RTN4: variants seen among roughly 807,000 people sequenced by gnomAD.
The protein encoded by RTN4 is reticulon-4.
A neutral mutation model predicts 90.4 loss-of-function variants in RTN4; 32 were observed. The ratio of observed to expected loss-of-function variants is 0.35; its 90% CI spans 0.27 to 0.48. The LOEUF (loss-of-function observed/expected upper bound fraction) is 0.48, where lower values mean the gene tolerates loss of function less well. Among genes scored for constraint, RTN4 ranks in the 20% least tolerant of loss-of-function variants. The pLI is 0.99. For missense variants in RTN4, 1,706 were observed against 1,430.2 expected, an observed-to-expected ratio of 1.19 and a Z score of -3.11; for synonymous variants, 629 against 552.5, an observed-to-expected ratio of 1.14 and a Z score of -1.94.
chr2:55,071,923 G>A (rs114883562), intron 2 of RTN4, among the ~76,000 whole-genome samples: 3,642 of 152,328 alleles, frequency 0.024, 77 homozygotes, highest in South Asian at 0.037. Flanking sequence ...GAGATTCCAA[G>A]AGAGAGAAGA....
At chr2:54,986,503 C>T (rs1678574002) in intron 4 of RTN4, among the ~76,000 whole-genome samples, 1 of 152,162 alleles carries the variant, frequency 6.6e-6, no homozygotes, top group Admixed American at 6.5e-5. Flanking sequence ...TTGGCCATGG[C>T]CTTGCTTTAC....
chr2:55,032,118 T>TCA lies in RTN4; in HGVS notation c.557-3900_557-3899dup, dbSNP rs547794578. 9.5e-4 allele frequency among the ~76,000 whole-genome samples: 144 copies of TCA among 152,142 alleles called. 1 individual carries two copies. Among genetic ancestry groups the TCA allele is most frequent in the African/African-American group, 3.1e-3 (128 of 41,488 alleles). On this transcript the variant is annotated intron_variant, in intron 1 of 8. Coordinates refer to ENST00000337526, the MANE Select transcript of RTN4 (RefSeq NM_020532.5). ...TTTTTTGAGGCGGAGTCTTGCTCTG[T>TCA]CACCCAGGCTGGAGTACAGCGGGGC...
At chr2:54,997,949 T>C (rs1679562050) in intron 3 of RTN4, among the ~76,000 whole-genome samples, 1 of 152,206 alleles carries the variant, frequency 6.6e-6, no homozygotes, top group South Asian at 2.1e-4. Context: ...TTCAGTCCTA[T>C]CTGCAGTTTC....
At chr2:55,133,049 T>TA in the RTN4 span, among the ~76,000 whole-genome samples, 37,046 of 151,632 alleles carry the variant, frequency 0.24, 5,224 homozygotes, top group East Asian at 0.5. Flanking sequence ...GTGTCTCTAC[T>TA]AAAATACAAA....
intron 3 of RTN4, among the ~76,000 whole-genome samples, chr2:54,992,997 C>T (rs1679131280): frequency 6.6e-6 from 1 of 150,604 alleles, no homozygotes; most frequent in Non-Finnish European, 1.5e-5. Context: ...TGGCGTGAAC[C>T]CGAGAGGCGG....
intron 4 of RTN4, 32 bp downstream of exon 4, chr2:54,987,459 C>T (rs746585060): frequency 9.1e-6 from 13 of 1,427,836 alleles, no homozygotes; most frequent in Non-Finnish European, 1.3e-5. Flanking sequence ...TACACTATTG[C>T]CAATGCATGC....
Position 55,025,506 on chromosome 2 carries a change from T to A in RTN4, c.2593A>T (p.Ile865Phe). ...ETETFSDSSP[I>F]EIIDEFPTLI... The stretch of plus-strand genomic sequence containing the variant: ...GTAGGGAACTCATCTATAATTTCAA[T>A]TGGAGATGAATCTGAAAACGTTTCA... The change falls in exon 3 of 9, where the codon ATT becomes TTT. Residue 865 changes from isoleucine to phenylalanine, a missense_variant. Ile to Phe is a conservative substitution (Grantham distance 21). Coordinates refer to ENST00000337526, the MANE Select transcript of RTN4 (RefSeq NM_020532.5). 6.2e-7 allele frequency: 1 copy of A among 1,613,718 alleles called. No homozygotes were observed. Among genetic ancestry groups the A allele is most frequent in the Non-Finnish European group, 8.5e-7 (1 of 1,179,778 alleles).
chr2:55,029,947 T>C (rs551828780), intron 1 of RTN4, among the ~76,000 whole-genome samples: 2 of 152,222 alleles, frequency 1.3e-5, no homozygotes, highest in Admixed American at 6.5e-5. Context: ...GCTAAAATAA[T>C]GAATTATTAG....
chr2:55,028,479 A>G (rs1308605173), intron 1 of RTN4, among the ~76,000 whole-genome samples: 2 of 152,224 alleles, frequency 1.3e-5, no homozygotes, highest in African/African-American at 2.4e-5. Context: ...TTTATGTTAA[A>G]GAAACTTATG....
In RTN4 at chr2:55,027,367, A is replaced by G. The variant is rs769339157; in HGVS notation, c.732T>C (p.Ala244=). The G allele has an allele frequency of 1.9e-6, 3 of 1,613,700 alleles. No homozygotes were observed. Among genetic ancestry groups the G allele is most frequent in the Non-Finnish European group, 2.5e-6 (3 of 1,179,766 alleles). The change falls in exon 3 of 9, where the codon GCT becomes GCC. Residue 244 remains alanine, a synonymous_variant. Transcript: ENST00000337526. ...SLPSLSPLSA[A]SFKEHEYLGN... ...CAAGGTATTCATGTTCTTTGAAAGA[A>G]GCGGCTGAGAGAGGAGACAGAGAAG...
chr2:55,026,128 T>C lies in RTN4; in HGVS notation c.1971A>G (p.Pro657=). 6.2e-7 allele frequency: 1 copy of C among 1,613,340 alleles called. No individual in the cohort carries two copies. Among genetic ancestry groups the C allele is most frequent in the Non-Finnish European group, 8.5e-7 (1 of 1,179,782 alleles). Residue 657 remains proline, a synonymous_variant, in exon 3 of 9, where the codon CCA becomes CCG. Transcript: ENST00000337526. ...ESIKHEPENP[P]PYEEAMSVSL... ...ATACACTCATGGCCTCTTCATATGG[T>C]GGGGGGTTTTCAGGCTCATGTTTTA...
chr2:55,042,920 T>C (rs1683170568), intron 1 of RTN4, among the ~76,000 whole-genome samples: 2 of 152,214 alleles, frequency 1.3e-5, no homozygotes, highest in South Asian at 4.1e-4. Context: ...TAGAATGATA[T>C]ATACTATGAA....
chr2:54,991,873 C>T (rs532639525), intron 3 of RTN4, among the ~76,000 whole-genome samples: 4 of 152,306 alleles, frequency 2.6e-5, no homozygotes, highest in Admixed American at 1.3e-4. Flanking sequence ...CAATTATAAA[C>T]TCTATCATTA....
intron 1 of RTN4, among the ~76,000 whole-genome samples, chr2:55,104,213 G>A (rs1667902428): frequency 6.7e-6 from 1 of 149,674 alleles, no homozygotes; most frequent in Non-Finnish European, 1.5e-5. Flanking sequence ...ACCACACACG[G>A]CTAATCTTTT....
chr2:55,074,911 A>T (rs1193136924), intron 2 of RTN4, among the ~76,000 whole-genome samples: 2 of 152,230 alleles, frequency 1.3e-5, no homozygotes, highest in Non-Finnish European at 2.9e-5. Context: ...CAAAACTGGC[A>T]TATAAGAGAC....
chr2:55,064,387 T>C (rs1204112651), intron 2 of RTN4, among the ~76,000 whole-genome samples: 1 of 150,748 alleles, frequency 6.6e-6, no homozygotes, highest in African/African-American at 2.4e-5. Flanking sequence ...TTCACTCTGT[T>C]GCCCAGGCTG....
At chr2:54,997,929 A>T (rs561794021) in intron 3 of RTN4, among the ~76,000 whole-genome samples, 1 of 152,322 alleles carries the variant, frequency 6.6e-6, no homozygotes, top group Admixed American at 6.5e-5. Flanking sequence ...AATAAACAGT[A>T]TATATAGGGT....
chr2:55,012,375 C>A (rs1306658881), intron 3 of RTN4, among the ~76,000 whole-genome samples: 1 of 152,092 alleles, frequency 6.6e-6, no homozygotes, highest in African/African-American at 2.4e-5. Flanking sequence ...GTGACATCTA[C>A]TTCTTTAATT....
chr2:55,010,373 G>C (rs1680545617), intron 3 of RTN4: 6 of 1,307,628 alleles, frequency 4.6e-6, no homozygotes, highest in Non-Finnish European at 5.9e-6. Context: ...TCTATCTGTT[G>C]ATTGTTTTAG....
Sources: allele counts gnomAD v4.1 joint callset (sites outside exome capture counted in the v4.1 genomes callset), GRCh38; gene constraint gnomAD v4.1.1; transcripts MANE v1.5; gene names NCBI Gene and HGNC (gene_info 2026-07-23, HGNC 2026-07-21).